The following CCDC171 variants were observed in gnomAD, a reference collection of about 807,000 sequenced individuals.
CCDC171 encodes coiled-coil domain containing 171, also known as coiled-coil domain-containing protein 171.
In CCDC171, 177 loss-of-function variants were observed where a neutral mutation model predicts 168.2. That is an observed-to-expected ratio of 1.05 (90% confidence interval 0.93 to 1.19). The LOEUF (loss-of-function observed/expected upper bound fraction) is 1.19. CCDC171 is among the 50% of genes most tolerant of loss of function. CCDC171 has a pLI of 0.00. For missense variants in CCDC171, 1,991 were observed against 1,539.0 expected (o/e 1.29, Z -4.91); for synonymous variants, 687 against 540.8 (o/e 1.27, Z -3.75).
At chr9:15,781,191 G>T (rs2057649331) in intron 20 of CCDC171, among the ~76,000 whole-genome samples, 1 of 152,136 alleles carries the variant, frequency 6.6e-6, no homozygotes, top group Admixed American at 6.6e-5. Context: ...CCATAGTTAA[G>T]TATTAAGAAA....
At chr9:15,968,453 A>AT (rs562944901) in intron 25 of CCDC171, among the ~76,000 whole-genome samples, 63 of 151,874 alleles carry the variant, frequency 4.1e-4, no homozygotes, top group African/African-American at 1.5e-3. Context: ...TATTCTGGAT[A>AT]TTTATAACAA....
intron 24 of CCDC171, among the ~76,000 whole-genome samples, chr9:15,917,127 T>A (rs1255768558): frequency 6.6e-6 from 1 of 151,966 alleles, no homozygotes; most frequent in Non-Finnish European, 1.5e-5. Context: ...ATTAAGGAGT[T>A]GAATTTTTCA....
chr9:15,793,403 T>C (rs1035303448), intron 21 of CCDC171, among the ~76,000 whole-genome samples: 1 of 151,926 alleles, frequency 6.6e-6, no homozygotes. Context: ...CTGTCAGCAT[T>C]AGATCAATGA....
intron 18 of CCDC171, among the ~76,000 whole-genome samples, chr9:15,752,220 G>T (rs1329493779): frequency 1.3e-5 from 2 of 152,196 alleles, no homozygotes; most frequent in Non-Finnish European, 2.9e-5. Context: ...TCGCACACCA[G>T]TTAGAATGGC....
intron 21 of CCDC171, among the ~76,000 whole-genome samples, chr9:15,803,983 C>T (rs557227394): frequency 6.6e-6 from 1 of 151,964 alleles, no homozygotes; most frequent in Admixed American, 6.6e-5. Context: ...GAATTTTATT[C>T]TTTTTGTGGC....
chr9:15,751,668 C>T (rs1389397844), intron 18 of CCDC171, among the ~76,000 whole-genome samples: 1 of 152,132 alleles, frequency 6.6e-6, no homozygotes, highest in Non-Finnish European at 1.5e-5. Context: ...GAAAGCATTC[C>T]CTATTTAATA....
At chr9:15,857,953 A>T (rs1183159021) in intron 23 of CCDC171, among the ~76,000 whole-genome samples, 1 of 151,988 alleles carries the variant, frequency 6.6e-6, no homozygotes, top group Non-Finnish European at 1.5e-5. Context: ...ATATGTATAT[A>T]TGCATATGTG....
At chr9:15,942,994 C>T (rs1162648458) in intron 25 of CCDC171, among the ~76,000 whole-genome samples, 1 of 151,894 alleles carries the variant, frequency 6.6e-6, no homozygotes, top group African/African-American at 2.4e-5. Flanking sequence ...CTGCTGAACC[C>T]AAACCAAGCC....
At chr9:15,765,953 G>A (rs1322646485) in intron 18 of CCDC171, among the ~76,000 whole-genome samples, 1 of 152,062 alleles carries the variant, frequency 6.6e-6, no homozygotes, top group Non-Finnish European at 1.5e-5. Context: ...TTTATGTAAC[G>A]AACAGCCTCG....
intron 24 of CCDC171, among the ~76,000 whole-genome samples, chr9:15,902,928 C>G (rs1163363770): frequency 1.3e-5 from 2 of 152,218 alleles, no homozygotes; most frequent in Non-Finnish European, 2.9e-5. Context: ...CGGAGCCTCA[C>G]TCATTGCAAG....
At chr9:15,818,414 TC>T (rs1443749925) in intron 21 of CCDC171, among the ~76,000 whole-genome samples, 1 of 116,484 alleles carries the variant, frequency 8.6e-6, no homozygotes, top group East Asian at 2.1e-4. Context: ...AGGAGGAAGT[TC>T]GAACGAATGG....
At chr9:16,036,822 T>C (rs1833479433) in intron 8 of CCDC171, among the ~76,000 whole-genome samples, 1 of 145,644 alleles carries the variant, frequency 6.9e-6, no homozygotes, top group African/African-American at 2.4e-5. Flanking sequence ...CATAAACATG[T>C]GATTCTATAC....
At chr9:15,874,007 A>G (rs903328651) in intron 23 of CCDC171, among the ~76,000 whole-genome samples, 1 of 152,134 alleles carries the variant, frequency 6.6e-6, no homozygotes, top group African/African-American at 2.4e-5. Context: ...AGGGCAAACA[A>G]ACCTCTTTCT....
At chr9:15,586,849 C>A (rs1423050093) in intron 4 of CCDC171, among the ~76,000 whole-genome samples, 7 of 151,892 alleles carry the variant, frequency 4.6e-5, no homozygotes, top group African/African-American at 1.7e-4. Context: ...ACTTTGTTGC[C>A]CAGGCTGGAG....
intron 21 of CCDC171, among the ~76,000 whole-genome samples, chr9:15,837,509 C>G (rs557250160): frequency 1.3e-5 from 2 of 152,298 alleles, no homozygotes; most frequent in African/African-American, 4.8e-5. Flanking sequence ...TGCTATGTTA[C>G]TTCCCCAGAA....
At chr9:15,919,700 A>C (rs948842506) in intron 24 of CCDC171, among the ~76,000 whole-genome samples, 1 of 151,570 alleles carries the variant, frequency 6.6e-6, no homozygotes, top group African/African-American at 2.4e-5. Context: ...TGCTTATGTT[A>C]ATTGTTTTAT....
At chr9:15,879,319 G>A (rs555388902) in intron 24 of CCDC171, among the ~76,000 whole-genome samples, 16 of 151,946 alleles carry the variant, frequency 1.1e-4, no homozygotes, top group Non-Finnish European at 1.5e-4. Context: ...TTATTGGTAT[G>A]TAATAGTTGT....
At chr9:15,563,687 C>G (rs1045567378) in intron 1 of CCDC171, among the ~76,000 whole-genome samples, 14 of 152,248 alleles carry the variant, frequency 9.2e-5, no homozygotes, top group African/African-American at 3.1e-4. Flanking sequence ...ATTTCAACCT[C>G]TGTCCTAGGT....
At chr9:15,730,950 G>A (rs893383987) in intron 16 of CCDC171, among the ~76,000 whole-genome samples, 4 of 151,962 alleles carry the variant, frequency 2.6e-5, no homozygotes, top group African/African-American at 9.7e-5. Context: ...TATTTGATAT[G>A]TAATATTTGT....
Sources: allele counts gnomAD v4.1 joint callset (sites outside exome capture counted in the v4.1 genomes callset), GRCh38; gene constraint gnomAD v4.1.1; transcripts MANE v1.5; gene names NCBI Gene and HGNC (gene_info 2026-07-23, HGNC 2026-07-21).